The following PROM1 variants were observed in gnomAD, a reference collection of about 807,000 sequenced individuals.
PROM1 encodes the protein prominin-1.
A neutral mutation model predicts 116.9 loss-of-function variants in PROM1; 105 were observed. That is an observed-to-expected ratio of 0.90 (90% CI 0.77 to 1.06). The LOEUF (loss-of-function observed/expected upper bound fraction) is 1.06. Among genes scored for constraint, PROM1 ranks in the 50% least tolerant of loss-of-function variants. The pLI is 0.00. For missense variants in PROM1, 1,122 were observed against 1,045.2 expected (o/e 1.07, Z -1.01); for synonymous variants, 393 against 387.0 (o/e 1.02, Z -0.18).
chr4:16,035,831 TTA>T, intron 3 of PROM1, 70 bp from the exon 4 acceptor site: 1 of 1,406,160 alleles, frequency 7.1e-7, no homozygotes, highest in South Asian at 1.2e-5. Context: ...ACAGAAAAAG[TTA>T]TGAGTGATCA....
At chr4:15,998,726 T>G (rs901302530) in intron 14 of PROM1, among the ~76,000 whole-genome samples, 1 of 152,084 alleles carries the variant, frequency 6.6e-6, no homozygotes, top group African/African-American at 2.4e-5. Flanking sequence ...TGAGAACTTT[T>G]TTTTTTTGAG....
chr4:16,007,266 TA>T (rs1482408102), intron 12 of PROM1, among the ~76,000 whole-genome samples: 1 of 152,240 alleles, frequency 6.6e-6, no homozygotes, highest in Non-Finnish European at 1.5e-5. Context: ...ATGAGCATCC[TA>T]AATCAAATGC....
intron 2 of PROM1, among the ~76,000 whole-genome samples, chr4:16,073,847 A>G (rs1361808015): frequency 6.6e-6 from 1 of 152,198 alleles, no homozygotes; most frequent in Non-Finnish European, 1.5e-5. Flanking sequence ...TGATCACCAG[A>G]ATGAAGACCT....
chr4:16,043,335 T>C (rs998563461), intron 2 of PROM1, among the ~76,000 whole-genome samples: 2 of 152,230 alleles, frequency 1.3e-5, no homozygotes, highest in African/African-American at 2.4e-5. Flanking sequence ...GTTTGTTTCA[T>C]AGAGATGGGA....
At chr4:16,028,442 T>G (rs1414480326) in intron 5 of PROM1, among the ~76,000 whole-genome samples, 3 of 152,212 alleles carry the variant, frequency 2.0e-5, no homozygotes, top group African/African-American at 7.2e-5. Flanking sequence ...TCTGGGAATC[T>G]GGATTCTTAT....
At chr4:15,987,553 T>C in intron 20 of PROM1, 110 bp downstream of exon 20, 1 of 1,183,664 alleles carries the variant, frequency 8.4e-7, no homozygotes, top group African/African-American at 1.6e-5. Context: ...GGTAGATAAC[T>C]GAGGCTTTTT....
intron 16 of PROM1, among the ~76,000 whole-genome samples, chr4:15,993,545 G>A (rs1440832995): frequency 2.0e-5 from 3 of 151,820 alleles, no homozygotes; most frequent in Non-Finnish European, 4.4e-5. Context: ...GCCACCTTGC[G>A]ACTCATAAGG....
rs1232758692 is a variant in PROM1, at chr4:15,968,248, A to T, written c.*1145T>A. The T allele has an allele frequency of 6.6e-6, 1 of 152,212 alleles. No homozygotes were observed. The highest frequency in any genetic ancestry group is 1.5e-5 in the Non-Finnish European group (1 of 68,030). The allele number at this position is 152,212 out of a possible 1,614,324, so 9.4% of individuals were successfully genotyped here. ...GACCATGTTTTCCAAGTTCCTTTTT[A>T]TTCAAATGAATCAGAACTGCAATCT... On this transcript the variant is annotated 3_prime_UTR_variant, in exon 28 of 28. Coordinates refer to ENST00000447510, the MANE Select transcript of PROM1 (RefSeq NM_006017.3).
chr4:16,077,045 G>A (rs1416952747), intron 1 of PROM1, among the ~76,000 whole-genome samples: 7 of 152,210 alleles, frequency 4.6e-5, no homozygotes, highest in African/African-American at 1.7e-4. Context: ...GGCCTCGTGG[G>A]AAGGGAAAGA....
At chr4:16,040,526 T>C (rs1489263408) in intron 2 of PROM1, among the ~76,000 whole-genome samples, 2 of 152,260 alleles carry the variant, frequency 1.3e-5, no homozygotes, top group Non-Finnish European at 2.9e-5. Flanking sequence ...ATCATCTGTT[T>C]ATTAAAATAT....
At chr4:15,992,204 T>C in intron 17 of PROM1, 44 bp downstream of exon 17, 1 of 1,597,918 alleles carries the variant, frequency 6.3e-7, no homozygotes, top group Non-Finnish European at 8.5e-7. Flanking sequence ...CATCTGACAC[T>C]TTAATTTCTC....
chr4:16,011,122 C>G (rs578114549), intron 11 of PROM1, among the ~76,000 whole-genome samples: 1 of 152,138 alleles, frequency 6.6e-6, no homozygotes, highest in Non-Finnish European at 1.5e-5. Flanking sequence ...GACATGGCTC[C>G]GTGACTTTGC....
chr4:15,983,943 T>G (rs1718614674), intron 23 of PROM1, among the ~76,000 whole-genome samples: 1 of 152,214 alleles, frequency 6.6e-6, no homozygotes, highest in Admixed American at 6.5e-5. Flanking sequence ...GGGTTGTAAA[T>G]GTAGTTGTAC....
chr4:16,057,091 A>G (rs935141448), intron 2 of PROM1, among the ~76,000 whole-genome samples: 1 of 152,224 alleles, frequency 6.6e-6, no homozygotes, highest in African/African-American at 2.4e-5. Context: ...ATTTCTTCTC[A>G]GTTTTATTTC....
chr4:16,032,975 A>T (rs1733088197), intron 5 of PROM1, among the ~76,000 whole-genome samples: 2 of 152,150 alleles, frequency 1.3e-5, no homozygotes, highest in South Asian at 4.1e-4. Context: ...GCCTGCAAAT[A>T]GCTAATTAAG....
chr4:15,976,544 G>T (rs1716179347), intron 26 of PROM1, among the ~76,000 whole-genome samples: 1 of 152,236 alleles, frequency 6.6e-6, no homozygotes, highest in Non-Finnish European at 1.5e-5. Flanking sequence ...GCATAAGACA[G>T]AAGACAGCTG....
intron 2 of PROM1, among the ~76,000 whole-genome samples, chr4:16,050,090 G>A (rs966483107): frequency 4.6e-5 from 7 of 151,828 alleles, no homozygotes; most frequent in African/African-American, 7.3e-5. Context: ...GTTAAACCCC[G>A]TCTCTACTAA....
At chr4:16,068,872 C>T (rs902485689) in intron 2 of PROM1, among the ~76,000 whole-genome samples, 5 of 152,116 alleles carry the variant, frequency 3.3e-5, no homozygotes, top group African/African-American at 1.2e-4. Context: ...CACACCAAAT[C>T]CCACGAGCAA....
At chr4:16,061,902 T>C (rs1339048561) in intron 2 of PROM1, among the ~76,000 whole-genome samples, 7 of 149,088 alleles carry the variant, frequency 4.7e-5, no homozygotes, top group African/African-American at 1.7e-4. Flanking sequence ...TTTTTTTTTT[T>C]TTTTTTTGAG....
Sources: gnomAD v4.1 joint callset for allele counts (sites outside exome capture counted in the v4.1 genomes callset) on GRCh38, gnomAD v4.1.1 for gene constraint, MANE v1.5 for transcripts, NCBI Gene and HGNC (gene_info 2026-07-23, HGNC 2026-07-21) for gene names.